Variants in RRAGB observed in about 807,000 individuals in gnomAD.
RRAGB encodes ras-related GTP-binding protein B.
In RRAGB, 6 loss-of-function variants were observed where a neutral mutation model predicts 29.3. That is an observed-to-expected ratio of 0.21 (90% CI 0.11 to 0.40). The LOEUF is 0.40. RRAGB is among the 10% of genes least tolerant of loss of function. The pLI is 1.00. For synonymous variants in RRAGB, 101 were observed against 92.5 expected, an observed-to-expected ratio of 1.09 and a Z score of -0.53; for missense variants, 184 against 272.9, an observed-to-expected ratio of 0.67 and a Z score of 2.29.
chrX:55,733,284 C>T (rs1331816227), intron 5 of RRAGB, among the ~76,000 whole-genome samples: 2 of 111,857 alleles, frequency 1.8e-5, no homozygotes, highest in African/African-American at 3.2e-5. Context: ...CAGTTTGGAT[C>T]CCCTTTATTT....
chrX:55,733,938 T>G (rs1419298322), intron 5 of RRAGB, among the ~76,000 whole-genome samples: 1 of 110,539 alleles, frequency 9.0e-6, no homozygotes, highest in African/African-American at 3.3e-5. Flanking sequence ...GGGGTTTTTT[T>G]TTTTGGTTGG....
chrX:55,724,491 T>C lies in RRAGB; in HGVS notation c.226+2206T>C, dbSNP rs1362449774. Among the ~76,000 whole-genome samples the C allele has an allele frequency of 3.6e-5, 4 of 112,324 alleles. No homozygotes were observed. The South Asian group carries it at 1.5e-3, about 41-fold the overall frequency. ...TTGTACATTTGATGAATATCTCATC[T>C]AGTTTTCATCTAAGTCATTGACCAA... On this transcript the variant is annotated intron_variant, in intron 3 of 9. Transcript: ENST00000374941.
chrX:55,727,566 A>G (rs976610202), intron 3 of RRAGB, among the ~76,000 whole-genome samples: 1 of 111,556 alleles, frequency 9.0e-6, no homozygotes, highest in African/African-American at 3.3e-5. Context: ...AGAAGCGGAA[A>G]CTAATACCCA....
At chrX:55,727,526 A>G (rs1691685740) in intron 3 of RRAGB, 1 of 389,831 alleles carries the variant, frequency 2.6e-6, no homozygotes, top group Non-Finnish European at 4.5e-6. Context: ...GGTCAGTGCT[A>G]TGCCCCGCCC....
At chrX:55,754,651 G>A (rs1352802740) in intron 7 of RRAGB, among the ~76,000 whole-genome samples, 1 of 112,418 alleles carries the variant, frequency 8.9e-6, no homozygotes, top group African/African-American at 3.2e-5. Flanking sequence ...TTGGCATTTA[G>A]TTGACAAACT....
At chrX:55,743,116 CA>C (rs1230894685) in intron 5 of RRAGB, among the ~76,000 whole-genome samples, 1 of 112,005 alleles carries the variant, frequency 8.9e-6, no homozygotes, top group East Asian at 2.8e-4. Flanking sequence ...ATGGTAAGAC[CA>C]GTGAATTTCA....
At chrX:55,742,716 G>T (rs1217357142) in intron 5 of RRAGB, among the ~76,000 whole-genome samples, 2 of 111,631 alleles carry the variant, frequency 1.8e-5, no homozygotes, top group African/African-American at 6.5e-5. Flanking sequence ...ACAGGGGCAA[G>T]AAACAAAAAT....
At position 55,718,013 on chromosome X, in the gene RRAGB, C is replaced by G. The variant is rs2033113060; in HGVS notation, c.-315C>G. The G allele has an allele frequency of 5.2e-6, 1 of 190,961 alleles. No homozygotes were observed. The highest frequency in any genetic ancestry group is 9.1e-5 in the East Asian group (1 of 11,038). The allele number at this position is 190,961 out of a possible 1,213,427, so 15.7% of individuals were successfully genotyped here. ...TTTCCAGACCTTGGGGGCCTGAGGC[C>G]CAAACTCGGGACGAACCCCTAACCC... On this transcript the variant is annotated 5_prime_UTR_variant, in exon 1 of 10. Coordinates refer to ENST00000374941, the MANE Select transcript of RRAGB (RefSeq NM_006064.5).
intron 3 of RRAGB, among the ~76,000 whole-genome samples, chrX:55,725,691 T>C (rs2033451301): frequency 9.0e-6 from 1 of 111,659 alleles, no homozygotes; most frequent in African/African-American, 3.3e-5. Context: ...ATGTATTTGT[T>C]GGAACAGTAA....
rs2034712198 is a variant in RRAGB at position 55,758,506 on chromosome X, T to C, written c.*163T>C. On this transcript the variant is annotated 3_prime_UTR_variant, in exon 10 of 10. Coordinates refer to ENST00000374941, the MANE Select transcript of RRAGB (RefSeq NM_006064.5). ...TGAATGCTATTAACTTAAATAGCCA[T>C]TGAGGAGTTAGAAGATGAATTGTTC... 2.8e-6 allele frequency: 1 copy of C among 353,014 alleles called. No homozygotes were observed. Among genetic ancestry groups the C allele is most frequent in the Non-Finnish European group, 4.9e-6 (1 of 203,014 alleles). 29.1% of individuals were successfully genotyped at this position (353,014 alleles called of 1,213,427 possible).
Position 55,758,543 on chromosome X carries a change from G to A in RRAGB, c.*200G>A. On this transcript the variant is annotated 3_prime_UTR_variant, in exon 10 of 10. Coordinates refer to ENST00000374941, the MANE Select transcript of RRAGB (RefSeq NM_006064.5). ...AAGATGAATTGTTCATGAAGTCGGT[G>A]TTACATAAAAGTAGGTGATATGTAA... 1 of 321,776 alleles carries A rather than the reference G, an allele frequency of 3.1e-6. No homozygotes were observed. The highest frequency in any genetic ancestry group is 5.5e-6 in the Non-Finnish European group (1 of 183,242). The allele number at this position is 321,776 out of a possible 1,213,427, so 26.5% of individuals were successfully genotyped here.
At chrX:55,748,524 C>T (rs899368139) in intron 5 of RRAGB, among the ~76,000 whole-genome samples, 3 of 111,489 alleles carry the variant, frequency 2.7e-5, no homozygotes, top group Non-Finnish European at 3.8e-5. Flanking sequence ...CCCGCCACCC[C>T]GTCTGGGATG....
chrX:55,745,408 C>T (rs1046055711), intron 5 of RRAGB, among the ~76,000 whole-genome samples: 4 of 112,409 alleles, frequency 3.6e-5, no homozygotes, highest in Non-Finnish European at 5.6e-5. Flanking sequence ...GAGAAAAGAG[C>T]GTTTGTTAGA....
In RRAGB at chrX:55,731,401, C is replaced by T. The variant is rs769920456; in HGVS notation, c.331C>T (p.Arg111Trp). ...TFMENYFTSQ[R>W]DNIFRNVEVL... ...CATGGAAAATTATTTCACTAGCCAACGGGACAACATCTTCCGAAATGTGGA... is the reference window on the plus strand; with the variant it reads ...CATGGAAAATTATTTCACTAGCCAATGGGACAACATCTTCCGAAATGTGGA... Residue 111 changes from arginine to tryptophan, a missense_variant, in exon 5 of 10, where the codon CGG becomes TGG. Coordinates refer to ENST00000374941, the MANE Select transcript of RRAGB (RefSeq NM_006064.5). 1 of 1,209,640 alleles carries T rather than the reference C, an allele frequency of 8.3e-7. No homozygotes were observed. Among genetic ancestry groups the T allele is most frequent in the East Asian group, 3.0e-5 (1 of 33,815 alleles).
Position 55,731,593 on chromosome X carries a change from A to G in RRAGB, c.516+7A>G. On this transcript the variant is annotated splice_region_variant and intron_variant, in intron 5 of 9. Coordinates refer to ENST00000374941, the MANE Select transcript of RRAGB (RefSeq NM_006064.5). ...GGAGGATCAACGGGACCTGGTAAGA[A>G]ACAGAAGAAGTGCTGCACCAAATGC... The G allele has an allele frequency of 1.8e-6, 2 of 1,140,048 alleles. No individual in the cohort carries two copies. Among genetic ancestry groups the G allele is most frequent in the Non-Finnish European group, 1.2e-6 (1 of 836,572 alleles). The allele number at this position is 1,140,048 out of a possible 1,213,427, so 94.0% of individuals were successfully genotyped here. A position where few individuals can be genotyped will look rare whatever the true frequency, so the allele number is the denominator to read the frequency against.
intron 4 of RRAGB, among the ~76,000 whole-genome samples, chrX:55,729,745 A>G (rs1185191812): frequency 8.9e-6 from 1 of 112,164 alleles, no homozygotes; most frequent in Non-Finnish European, 1.9e-5. Context: ...CAGTCTCAAT[A>G]CTGTAGATCA....
chrX:55,741,599 T>C (rs1230775362), intron 5 of RRAGB, among the ~76,000 whole-genome samples: 1 of 111,758 alleles, frequency 8.9e-6, no homozygotes, highest in Non-Finnish European at 1.9e-5. Flanking sequence ...GTGTGTATCT[T>C]AGGGTTCTCC....
chrX:55,752,934 A>G (rs779880206), intron 6 of RRAGB, among the ~76,000 whole-genome samples: 4 of 111,945 alleles, frequency 3.6e-5, no homozygotes, highest in Non-Finnish European at 7.5e-5. Flanking sequence ...CCATTTGTCT[A>G]TGTGGCTCTG....
chrX:55,754,611 G>T (rs1310834654), intron 7 of RRAGB, among the ~76,000 whole-genome samples: 1 of 112,154 alleles, frequency 8.9e-6, no homozygotes, highest in African/African-American at 3.2e-5. Flanking sequence ...ATGAAAATGG[G>T]ACACAGGAAC....
Sources: gnomAD v4.1 joint callset for allele counts (sites outside exome capture counted in the v4.1 genomes callset) on GRCh38, gnomAD v4.1.1 for gene constraint, MANE v1.5 for transcripts, NCBI Gene and HGNC (gene_info 2026-07-23, HGNC 2026-07-21) for gene names.